The following ANKS1B variants were observed in gnomAD, a reference collection of about 807,000 sequenced individuals.
ANKS1B encodes ankyrin repeat and sterile alpha motif domain-containing protein 1B.
ANKS1B carries 36 observed loss-of-function variants against 148.3 expected under a neutral mutation model. The ratio of observed to expected loss-of-function variants is 0.24; its 90% CI spans 0.19 to 0.32. ANKS1B has a LOEUF of 0.32. ANKS1B is among the 10% of genes least tolerant of loss of function. ANKS1B has a pLI of 1.00. For missense variants in ANKS1B, 1,157 were observed against 1,542.6 expected, an observed-to-expected ratio of 0.75 and a Z score of 4.19; for synonymous variants, 542 against 560.8, an observed-to-expected ratio of 0.97 and a Z score of 0.47.
intron 1 of ANKS1B, among the ~76,000 whole-genome samples, chr12:99,982,524 C>T (rs929313961): frequency 1.3e-5 from 2 of 152,108 alleles, no homozygotes; most frequent in African/African-American, 4.8e-5. Context: ...TTTCAGCATA[C>T]CAGTTTTTAG....
intron 17 of ANKS1B, among the ~76,000 whole-genome samples, chr12:98,999,954 A>G (rs573226704): frequency 1.3e-5 from 2 of 152,272 alleles, no homozygotes; most frequent in African/African-American, 4.8e-5. Flanking sequence ...ATTTTACGAG[A>G]GTGATGATCT....
intron 8 of ANKS1B, among the ~76,000 whole-genome samples, chr12:99,740,189 C>A (rs1436407314): frequency 1.3e-5 from 2 of 152,010 alleles, no homozygotes; most frequent in African/African-American, 4.8e-5. Flanking sequence ...CACACACTTA[C>A]AATTCCAGCT....
chr12:99,745,428 C>CT (rs1474697834), intron 8 of ANKS1B, among the ~76,000 whole-genome samples: 1 of 152,260 alleles, frequency 6.6e-6, no homozygotes, highest in Middle Eastern at 3.4e-3. Flanking sequence ...AAAAATATCT[C>CT]TAAGCACTTC....
rs979668931 is a variant in ANKS1B at position 99,082,986 on chromosome 12, T to C, written c.2625+1939A>G. 2.6e-5 allele frequency among the ~76,000 whole-genome samples: 4 copies of C among 152,196 alleles called. No homozygotes were observed. The East Asian group carries it at 7.8e-4, about 30-fold the overall frequency. The stretch of plus-strand genomic sequence containing the variant: ...GAGAAGGTAATATTTTAAGTAAACA[T>C]ACACAAGCAGAGAGGTGAACAATAT... On this transcript the variant is annotated intron_variant, in intron 16 of 26. Coordinates refer to ENST00000683438, the MANE Select transcript of ANKS1B (RefSeq NM_001352186.2).
chr12:99,713,214 C>T lies in ANKS1B; in HGVS notation c.1129-58004G>A, dbSNP rs560090409. 2.5e-4 allele frequency among the ~76,000 whole-genome samples: 38 copies of T among 152,248 alleles called. No homozygotes were observed. The South Asian group carries it at 5.6e-3, about 22-fold the overall frequency. On this transcript the variant is annotated intron_variant, in intron 8 of 26. Coordinates refer to ENST00000683438, the MANE Select transcript of ANKS1B (RefSeq NM_001352186.2). ...CCATGAGTCATATACTTAATCTTTT[C>T]AAACACTTTTCTGTGTGATTAAAAT...
At chr12:99,287,509 C>A (rs78890557) in intron 12 of ANKS1B, among the ~76,000 whole-genome samples, 1 of 152,066 alleles carries the variant, frequency 6.6e-6, no homozygotes, top group South Asian at 2.1e-4. Flanking sequence ...AATAAATGAA[C>A]ACCCACAAGC....
intron 11 of ANKS1B, among the ~76,000 whole-genome samples, chr12:99,403,168 T>C (rs1249133581): frequency 1.7e-5 from 2 of 120,048 alleles, no homozygotes; most frequent in African/African-American, 7.1e-5. Flanking sequence ...TTTTTTTTTT[T>C]TTTTTTTTTT....
intron 14 of ANKS1B, among the ~76,000 whole-genome samples, chr12:99,191,542 C>T (rs1750283979): frequency 6.6e-6 from 1 of 152,082 alleles, no homozygotes; most frequent in African/African-American, 2.4e-5. Context: ...ATGTCCTTTG[C>T]AGGGACATGG....
chr12:99,186,579 G>A (rs529220326), intron 14 of ANKS1B, among the ~76,000 whole-genome samples: 6 of 152,254 alleles, frequency 3.9e-5, no homozygotes, highest in South Asian at 4.1e-4. Flanking sequence ...AGCCTCTGCC[G>A]CTGATACCCA....
chr12:99,764,821 C>T (rs1332506354), intron 8 of ANKS1B, among the ~76,000 whole-genome samples: 1 of 152,124 alleles, frequency 6.6e-6, no homozygotes, highest in African/African-American at 2.4e-5. Context: ...GTCTTGAATG[C>T]CTGAGTTAAA....
At chr12:99,130,580 G>A (rs540303721) in intron 15 of ANKS1B, among the ~76,000 whole-genome samples, 1 of 152,068 alleles carries the variant, frequency 6.6e-6, no homozygotes, top group South Asian at 2.1e-4. Context: ...CTCTTCCTGT[G>A]TCCTTCTTCC....
intron 8 of ANKS1B, among the ~76,000 whole-genome samples, chr12:99,764,809 G>A (rs572819197): frequency 6.6e-6 from 1 of 152,274 alleles, no homozygotes; most frequent in South Asian, 2.1e-4. Flanking sequence ...TAGAAATGAA[G>A]GGTCTTGAAT....
intron 9 of ANKS1B, among the ~76,000 whole-genome samples, chr12:99,568,983 A>G (rs1218638761): frequency 6.6e-6 from 1 of 152,228 alleles, no homozygotes; most frequent in Non-Finnish European, 1.5e-5. Context: ...AAGTACTGCA[A>G]ATCCACAAGA....
intron 9 of ANKS1B, among the ~76,000 whole-genome samples, chr12:99,635,403 A>C (rs2098223486): frequency 6.6e-6 from 1 of 152,212 alleles, no homozygotes; most frequent in Non-Finnish European, 1.5e-5. Flanking sequence ...ATATACACAC[A>C]ATGGAATATT....
Position 99,724,819 on chromosome 12 carries a change from C to T in ANKS1B, c.1128+48103G>A, listed in dbSNP as rs570448390. Among the ~76,000 whole-genome samples, 26 of 152,294 alleles carry T rather than the reference C, an allele frequency of 1.7e-4. 1 individual carries two copies. The highest frequency in any genetic ancestry group is 3.3e-4 in the Admixed American group (5 of 15,302). ...CTAACAGCAGACCTCTCAGCAGAAA[C>T]GGTACAAGCCAGAAGAGAGTGAGGG... On this transcript the variant is annotated intron_variant, in intron 8 of 26. Transcript: ENST00000683438.
intron 15 of ANKS1B, chr12:99,105,070 T>G (rs970823924): frequency 5.3e-5 from 8 of 152,368 alleles, no homozygotes; most frequent in African/African-American, 1.9e-4. Context: ...AATCTTCAAA[T>G]AGCTGGACAT....
intron 14 of ANKS1B, among the ~76,000 whole-genome samples, chr12:99,184,268 A>G (rs533766701): frequency 6.6e-6 from 1 of 152,354 alleles, no homozygotes; most frequent in South Asian, 2.1e-4. Context: ...AAGAGACTAT[A>G]TCAATAAGTT....
At chr12:99,471,648 G>GCA (rs3050679) in intron 10 of ANKS1B, among the ~76,000 whole-genome samples, 30,243 of 148,946 alleles carry the variant, frequency 0.2, 3,242 homozygotes, top group African/African-American at 0.3. Flanking sequence ...ACATATGCGT[G>GCA]CACACACACA....
chr12:99,826,433 T>C (rs1318389258), intron 1 of ANKS1B, among the ~76,000 whole-genome samples: 1 of 152,198 alleles, frequency 6.6e-6, no homozygotes, highest in Non-Finnish European at 1.5e-5. Context: ...ATGAATGGAA[T>C]GTGCTTATTT....
Sources: gnomAD v4.1 joint callset for allele counts (sites outside exome capture counted in the v4.1 genomes callset) on GRCh38, gnomAD v4.1.1 for gene constraint, MANE v1.5 for transcripts, NCBI Gene and HGNC (gene_info 2026-07-23, HGNC 2026-07-21) for gene names.